Variants in ESR1 observed in about 807,000 individuals in gnomAD.
ESR1 encodes the protein estrogen receptor 1.
ESR1 carries 12 observed loss-of-function variants against 52.7 expected under a neutral mutation model. The ratio of observed to expected loss-of-function variants is 0.23; its 90% CI spans 0.15 to 0.37. The LOEUF (loss-of-function observed/expected upper bound fraction) is 0.37, where lower values mean the gene tolerates loss of function less well. ESR1 is among the 10% of genes least tolerant of loss of function. The probability of loss-of-function intolerance (pLI) is 1.00; values close to 1 mark genes in which losing one functional copy is unlikely to be tolerated. For missense variants in ESR1, 584 were observed against 779.7 expected (o/e 0.75, Z 2.99); for synonymous variants, 305 against 316.8 (o/e 0.96, Z 0.39).
intron 4 of ESR1, among the ~76,000 whole-genome samples, chr6:151,949,865 C>G (rs2036138461): frequency 1.3e-5 from 2 of 152,156 alleles, no homozygotes; most frequent in Admixed American, 6.5e-5. Context: ...ATTTGAGAAA[C>G]ATGTCTGGGG....
At chr6:151,975,281 A>C (rs2039331607) in intron 4 of ESR1, among the ~76,000 whole-genome samples, 1 of 152,182 alleles carries the variant, frequency 6.6e-6, no homozygotes, top group Non-Finnish European at 1.5e-5. Flanking sequence ...GCAACTTTGA[A>C]TGCTGCTCAT....
At chr6:151,743,721 A>T (rs1352532469) in intron 2 of ESR1, among the ~76,000 whole-genome samples, 14 of 152,032 alleles carry the variant, frequency 9.2e-5, no homozygotes, top group Non-Finnish European at 1.2e-4. Flanking sequence ...CCACACAAAG[A>T]CTCTCCCAAT....
chr6:151,909,314 T>G (rs1046727120), intron 3 of ESR1, among the ~76,000 whole-genome samples: 1 of 152,146 alleles, frequency 6.6e-6, no homozygotes, highest in African/African-American at 2.4e-5. Flanking sequence ...AACTAGGCCA[T>G]GACTTGGGGA....
intron 4 of ESR1, among the ~76,000 whole-genome samples, chr6:151,946,035 G>A (rs2035662841): frequency 6.6e-6 from 1 of 152,172 alleles, no homozygotes; most frequent in Non-Finnish European, 1.5e-5. Context: ...GTTTTCTTGA[G>A]TACCTACATA....
At position 151,808,117 on chromosome 6, in the gene ESR1, A is replaced by G. The variant is rs1230497579; in HGVS notation, c.205A>G (p.Asn69Asp). The G allele has an allele frequency of 6.2e-7, 1 of 1,611,048 alleles. No homozygotes were observed. The highest frequency in any genetic ancestry group is 2.2e-5 in the East Asian group (1 of 44,768). The change falls in exon 1 of 8, where the codon AAC (asparagine) becomes GAC (aspartate). Residue 69 changes from asparagine (N) to aspartate (D), a missense_variant. Transcript: ENST00000206249. ...CGAGTTCAACGCCGCGGCCGCCGCC[A>G]ACGCGCAGGTCTACGGTCAGACCGG... is the stretch of plus-strand genomic sequence containing the variant. ...AYEFNAAAAA[N>D]AQVYGQTGLP...
intron 1 of ESR1, among the ~76,000 whole-genome samples, chr6:151,699,484 C>A (rs962394102): frequency 6.6e-6 from 1 of 152,056 alleles, no homozygotes; most frequent in Admixed American, 6.6e-5. Flanking sequence ...TCTGTGGACA[C>A]AAGGAAACAT....
At chr6:152,029,466 A>G (rs1231813425) in intron 5 of ESR1, among the ~76,000 whole-genome samples, 3 of 152,228 alleles carry the variant, frequency 2.0e-5, no homozygotes, top group African/African-American at 7.2e-5. Context: ...GGAGCTGACA[A>G]CCAAGGCACA....
chr6:152,093,811 G>A (rs1006738494), intron 6 of ESR1, among the ~76,000 whole-genome samples: 1 of 152,138 alleles, frequency 6.6e-6, no homozygotes, highest in East Asian at 1.9e-4. Context: ...TCACCTTCCA[G>A]TCACTTAGCC....
intron 2 of ESR1, among the ~76,000 whole-genome samples, chr6:151,713,277 A>G (rs999543884): frequency 1.3e-5 from 2 of 152,198 alleles, no homozygotes; most frequent in African/African-American, 2.4e-5. Flanking sequence ...AATGTTCATC[A>G]GAGATATTGG....
intron 2 of ESR1, among the ~76,000 whole-genome samples, chr6:151,728,924 A>C (rs186607723): frequency 6.6e-6 from 1 of 152,266 alleles, no homozygotes; most frequent in Non-Finnish European, 1.5e-5. Context: ...CTAAAAATGC[A>C]TGTAGATAAA....
At chr6:151,995,605 T>C (rs2041412693) in intron 4 of ESR1, among the ~76,000 whole-genome samples, 1 of 152,244 alleles carries the variant, frequency 6.6e-6, no homozygotes, top group Non-Finnish European at 1.5e-5. Context: ...CCTTAATTTC[T>C]ATTTTCTAGT....
intron 2 of ESR1, among the ~76,000 whole-genome samples, chr6:151,769,668 T>A (rs1406136108): frequency 6.6e-6 from 1 of 152,210 alleles, no homozygotes; most frequent in East Asian, 1.9e-4. Context: ...AGATCATGTG[T>A]TCAGTCTGGG....
rs562972947 is a variant in ESR1 at position 151,776,839 on chromosome 6, T to TA, written c.-70-30990dup. ...GGCAACAAAGAGTGAAACTCCGTCT[T>TA]AAAAAAAAAAAAAAGGAAAAGAAAA... On this transcript the variant is annotated intron_variant, in intron 2 of 2. Coordinates refer to the ESR1 transcript ENST00000404742. 7.7e-3 allele frequency among the ~76,000 whole-genome samples: 1,027 copies of TA among 133,664 alleles called. 8 individuals carry two copies. The highest frequency in any genetic ancestry group is 0.012 in the Non-Finnish European group (740 of 61,702). 87.7% of individuals were successfully genotyped at this position (133,664 alleles called of 152,430 possible).
chr6:152,042,751 C>T (rs2982729), intron 5 of ESR1, among the ~76,000 whole-genome samples: 64,090 of 151,948 alleles, frequency 0.42, 14,943 homozygotes, highest in African/African-American at 0.61. Flanking sequence ...TGCAGTAGGC[C>T]TCTTGTCAAT....
chr6:151,883,568 T>G (rs568233645), intron 3 of ESR1, among the ~76,000 whole-genome samples: 1 of 152,116 alleles, frequency 6.6e-6, no homozygotes, highest in South Asian at 2.1e-4. Flanking sequence ...CCTTATGACC[T>G]CATTTAACCT....
At chr6:151,689,347 G>A (rs186080711), upstream of ESR1, among the ~76,000 whole-genome samples, 13 of 152,246 alleles carry the variant, frequency 8.5e-5, no homozygotes, top group East Asian at 1.2e-3. Context: ...CCCACAATGC[G>A]TTAGTATACA....
intron 3 of ESR1, among the ~76,000 whole-genome samples, chr6:151,943,298 T>A (rs1279700611): frequency 6.6e-6 from 1 of 151,268 alleles, no homozygotes. Flanking sequence ...GAGAATGGCG[T>A]GAACCTGGGA....
intron 4 of ESR1, among the ~76,000 whole-genome samples, chr6:151,966,929 A>G (rs1333044727): frequency 6.6e-6 from 1 of 152,142 alleles, no homozygotes; most frequent in African/African-American, 2.4e-5. Context: ...GTTCCAGCTT[A>G]ATTTTTGCTG....
At position 152,094,599 on chromosome 6, in the gene ESR1, G is replaced by T. The variant is rs2050464255; in HGVS notation, c.1553+31G>T. On this transcript the variant is annotated intron_variant, in intron 7 of 7. Transcript: ENST00000206249. This position sits in a 1 kb window ranked among gnomAD's most constrained non-coding sequence, Gnocchi z 4.6. ...GCATCTGTGGGCTTCCTACAGGAGA[G>T]ACATAAAGAAAACATGCCCCCAAAC... 6.2e-7 allele frequency: 1 copy of T among 1,606,996 alleles called. No homozygotes were observed. The highest frequency in any genetic ancestry group is 1.7e-5 in the Admixed American group (1 of 59,816).
Sources: allele counts gnomAD v4.1 joint callset (sites outside exome capture counted in the v4.1 genomes callset), GRCh38; gene constraint gnomAD v4.1.1; non-coding constraint Gnocchi (gnomAD v3.1); transcripts MANE v1.5; gene names NCBI Gene and HGNC (gene_info 2026-07-23, HGNC 2026-07-21).